MICAL3: variants seen among roughly 807,000 people sequenced by gnomAD.
The protein encoded by MICAL3 is [F-actin]-monooxygenase MICAL3.
Under a neutral mutation model 207.4 loss-of-function variants are expected in MICAL3, and 62 were observed. That is an observed-to-expected ratio of 0.30 (90% CI 0.24 to 0.37). The LOEUF (loss-of-function observed/expected upper bound fraction) is 0.37, where lower values mean the gene tolerates loss of function less well. Among genes scored for constraint, MICAL3 ranks in the 10% least tolerant of loss-of-function variants. The pLI is 1.00. For missense variants in MICAL3, 2,368 were observed against 2,635.6 expected, an observed-to-expected ratio of 0.90 and a Z score of 2.22; for synonymous variants, 1,077 against 1,069.3, an observed-to-expected ratio of 1.01 and a Z score of -0.14.
At chr22:17,816,895 A>C (rs1921051021) in intron 26 of MICAL3, 111 bp from the exon 27 acceptor site, 1 of 808,136 alleles carries the variant, frequency 1.2e-6, no homozygotes, top group Admixed American at 2.2e-5. Context: ...GGCTGGATTC[A>C]TTTTAGTTTA....
At chr22:17,810,348 C>A (rs533326562) in intron 28 of MICAL3, among the ~76,000 whole-genome samples, 2 of 152,154 alleles carry the variant, frequency 1.3e-5, no homozygotes, top group Non-Finnish European at 2.9e-5. Flanking sequence ...TAGGCATGAG[C>A]CACCGCACCC....
At chr22:17,870,495 C>T (rs1426698255) in intron 17 of MICAL3, among the ~76,000 whole-genome samples, 1 of 152,206 alleles carries the variant, frequency 6.6e-6, no homozygotes, top group East Asian at 1.9e-4. Context: ...TCACAGAATG[C>T]AGCAAAGATG....
Position 17,790,990 on chromosome 22 carries a change from C to G in MICAL3, c.5824+8G>C. On this transcript the variant is annotated splice_region_variant and intron_variant, in intron 31 of 31. Coordinates refer to ENST00000441493, the MANE Select transcript of MICAL3 (RefSeq NM_015241.3). ...CCCTGGCCTCCATGGGTGCCTTACC[C>G]CACTCACCTTCCACTGCCATGCGTT... 6.2e-7 allele frequency: 1 copy of G among 1,612,348 alleles called. No homozygotes were observed. Among genetic ancestry groups the G allele is most frequent in the Non-Finnish European group, 8.5e-7 (1 of 1,179,706 alleles).
intron 1 of MICAL3, among the ~76,000 whole-genome samples, chr22:17,959,942 C>T (rs1934819596): frequency 1.3e-5 from 2 of 152,180 alleles, no homozygotes; most frequent in Admixed American, 6.5e-5. Flanking sequence ...TGATACCTTC[C>T]CTACCTTCAA....
At chr22:17,874,042 A>G (rs1260435241) in intron 16 of MICAL3, among the ~76,000 whole-genome samples, 1 of 152,228 alleles carries the variant, frequency 6.6e-6, no homozygotes, top group East Asian at 1.9e-4. Context: ...GCCTCGTGTG[A>G]GGAAGAAACA....
intron 27 of MICAL3, chr22:17,815,552 T>C (rs2062095892): frequency 1.3e-5 from 2 of 152,300 alleles, no homozygotes; most frequent in South Asian, 4.1e-4. Context: ...ACTGGAAGCC[T>C]TGATGAAGGC....
rs55654559 is a variant in MICAL3 at position 18,020,613 on chromosome 22, TAA to T, written c.-75+3666_-75+3667del. 3.8e-3 allele frequency among the ~76,000 whole-genome samples: 460 copies of T among 119,726 alleles called. 11 individuals carry two copies. Among genetic ancestry groups the T allele is most frequent in the African/African-American group, 0.015 (440 of 30,216 alleles). 78.5% of individuals were successfully genotyped at this position (119,726 alleles called of 152,430 possible). Reference sequence around the variant, plus strand: ...AAAATGGCTGTAAACCTTTAAAAAGTAAAAAAAAAAAAAAAAAAATAGGCTGG... The same window carrying T: ...AAAATGGCTGTAAACCTTTAAAAAGTAAAAAAAAAAAAAAAAATAGGCTGG... On this transcript the variant is annotated intron_variant, in intron 1 of 31. Transcript: ENST00000441493.
rs1396147985 is a variant in MICAL3 at position 18,024,334 on chromosome 22, G to A, written c.-128C>T. 1 of 152,204 alleles carries A rather than the reference G, an allele frequency of 6.6e-6. No homozygotes were observed. The highest frequency in any genetic ancestry group is 1.9e-4 in the East Asian group (1 of 5,192). 9.4% of individuals were successfully genotyped at this position (152,204 alleles called of 1,614,324 possible). Reference sequence around the variant, plus strand: ...CCGGCGGTGGGCGCCTGCCTCGGCAGGGGCAGGGTGGGTGCCCGCAGGGCA... The same window carrying A: ...CCGGCGGTGGGCGCCTGCCTCGGCAAGGGCAGGGTGGGTGCCCGCAGGGCA... On this transcript the variant is annotated 5_prime_UTR_variant, in exon 1 of 32. Coordinates refer to ENST00000441493, the MANE Select transcript of MICAL3 (RefSeq NM_015241.3).
intron 1 of MICAL3, among the ~76,000 whole-genome samples, chr22:17,961,138 G>A (rs1934894595): frequency 6.6e-6 from 1 of 152,186 alleles, no homozygotes; most frequent in African/African-American, 2.4e-5. Context: ...AAATCCAGAG[G>A]ATGGCTGGCG....
intron 1 of MICAL3, among the ~76,000 whole-genome samples, chr22:17,969,919 C>A (rs923728956): frequency 6.6e-6 from 1 of 152,162 alleles, no homozygotes; most frequent in Non-Finnish European, 1.5e-5. Context: ...AGTGTGAGGG[C>A]CTCATGAGGT....
intron 1 of MICAL3, among the ~76,000 whole-genome samples, chr22:17,955,283 AG>A (rs1002992780): frequency 6.6e-6 from 1 of 152,172 alleles, no homozygotes; most frequent in African/African-American, 2.4e-5. Context: ...AAAGAATGCA[AG>A]GATCTGTCCA....
At chr22:17,932,240 T>C (rs1042742863) in intron 1 of MICAL3, among the ~76,000 whole-genome samples, 2 of 152,148 alleles carry the variant, frequency 1.3e-5, no homozygotes, top group Admixed American at 1.3e-4. Context: ...AAGGTCGAGT[T>C]ACCCACAAAG....
intron 1 of MICAL3, among the ~76,000 whole-genome samples, chr22:17,984,375 C>T (rs1445126749): frequency 1.3e-5 from 2 of 152,230 alleles, no homozygotes; most frequent in African/African-American, 2.4e-5. Context: ...ATCCTGCGAA[C>T]GCCTCTGCGA....
chr22:17,831,670 C>T (rs573640722), intron 21 of MICAL3, among the ~76,000 whole-genome samples, 184 bp downstream of exon 21: 85 of 152,308 alleles, frequency 5.6e-4, no homozygotes, highest in African/African-American at 1.9e-3. Flanking sequence ...CACTGCCAAC[C>T]GCCTGCTCAA....
rs371505023 is a variant in MICAL3 at position 17,876,243 on chromosome 22, C to T, written c.2242-4220G>A. Reference sequence around the variant, plus strand: ...GGCCCATGCAGCTAGGAACCCAGTCCCCAGAGATTGAGGCAGTGACCGAAA... The same window carrying T: ...GGCCCATGCAGCTAGGAACCCAGTCTCCAGAGATTGAGGCAGTGACCGAAA... On this transcript the variant is annotated intron_variant, in intron 16 of 31. Transcript: ENST00000441493. 9.9e-5 allele frequency among the ~76,000 whole-genome samples: 15 copies of T among 152,282 alleles called. 1 individual carries two copies. Among genetic ancestry groups the T allele is most frequent in the African/African-American group, 3.6e-4 (15 of 41,560 alleles).
chr22:17,848,978 C>A (rs1924931431), intron 19 of MICAL3, among the ~76,000 whole-genome samples: 2 of 152,224 alleles, frequency 1.3e-5, no homozygotes, highest in Non-Finnish European at 2.9e-5. Context: ...TAAGCCACTG[C>A]TATGTCAGGG....
chr22:17,818,823 T>C lies in MICAL3; in HGVS notation c.3838A>G (p.Ile1280Val), dbSNP rs747347926. Residue 1280 changes from isoleucine to valine, a missense_variant, in exon 26 of 32, where the codon ATA (isoleucine) becomes GTA (valine). Physicochemically the swap from Ile to Val is conservative, Grantham distance 29. Transcript: ENST00000441493. ...ATVPSPTQSPIRFQPAPAKTS... is the reference protein window; with the variant it reads ...ATVPSPTQSPVRFQPAPAKTS... The stretch of plus-strand genomic sequence containing the variant: ...TTGGCCGGGGCAGGCTGGAAGCGTA[T>C]GGGGGACTGGGTAGGGGATGGGACA... 4.5e-6 allele frequency: 6 copies of C among 1,330,960 alleles called. No individual in the cohort carries two copies. The highest frequency in any genetic ancestry group is 5.9e-6 in the Non-Finnish European group (6 of 1,013,434). 82.4% of individuals were successfully genotyped at this position (1,330,960 alleles called of 1,614,324 possible). A position where few individuals can be genotyped will look rare whatever the true frequency, so the allele number is the denominator to read the frequency against.
chr22:17,825,561 G>A (rs183153465), intron 22 of MICAL3, among the ~76,000 whole-genome samples: 1 of 152,330 alleles, frequency 6.6e-6, no homozygotes, highest in Non-Finnish European at 1.5e-5. Flanking sequence ...CTGCGGCTGT[G>A]TGTGCCTGTT....
chr22:17,879,024 T>G (rs369949926), intron 16 of MICAL3, among the ~76,000 whole-genome samples: 1 of 152,130 alleles, frequency 6.6e-6, no homozygotes, highest in Admixed American at 6.5e-5. Flanking sequence ...CACTGGCACA[T>G]AGTTTGGGGG....
Sources: allele counts gnomAD v4.1 joint callset (sites outside exome capture counted in the v4.1 genomes callset), GRCh38; gene constraint gnomAD v4.1.1; transcripts MANE v1.5; gene names NCBI Gene and HGNC (gene_info 2026-07-23, HGNC 2026-07-21).